The following C8orf34 variants were observed in gnomAD, a reference collection of about 807,000 sequenced individuals.
C8orf34 encodes uncharacterized protein C8orf34.
A neutral mutation model predicts 68.3 loss-of-function variants in C8orf34; 65 were observed. That is an observed-to-expected ratio of 0.95 (90% confidence interval 0.78 to 1.17). The LOEUF (loss-of-function observed/expected upper bound fraction) is 1.17. Ranked by LOEUF, C8orf34 falls within the 50% of genes most tolerant of loss-of-function variation. The probability of loss-of-function intolerance (pLI) is 0.00; values close to 1 mark genes in which losing one functional copy is unlikely to be tolerated. For synonymous variants in C8orf34, 244 were observed against 241.2 expected, an observed-to-expected ratio of 1.01 and a Z score of -0.11; for missense variants, 664 against 655.4, an observed-to-expected ratio of 1.01 and a Z score of -0.14.
intron 8 of C8orf34, among the ~76,000 whole-genome samples, chr8:68,681,098 T>C (rs1315424413): frequency 6.6e-6 from 1 of 152,144 alleles, no homozygotes; most frequent in Non-Finnish European, 1.5e-5. Flanking sequence ...AGTCAGACCT[T>C]ATGGTTGTCT....
Position 68,594,859 on chromosome 8 carries a change from T to C in C8orf34, c.1106-45517T>C, listed in dbSNP as rs1467922485. On this transcript the variant is annotated intron_variant, in intron 7 of 13. Coordinates refer to ENST00000518698, the MANE Select transcript of C8orf34 (RefSeq NM_052958.4). ...AATGTTCTGTTCTTTATTGCTTCAT[T>C]TTTTTCTGCTTTCATACCTTTAATA... Among the ~76,000 whole-genome samples, 8 of 152,096 alleles carry C rather than the reference T, an allele frequency of 5.3e-5. 1 individual carries two copies. The highest frequency in any genetic ancestry group is 5.2e-4 in the Admixed American group (8 of 15,260).
intron 10 of C8orf34, among the ~76,000 whole-genome samples, chr8:68,761,743 G>A (rs908490915): frequency 2.0e-5 from 3 of 152,112 alleles, no homozygotes; most frequent in African/African-American, 7.2e-5. Flanking sequence ...TACTAATGAT[G>A]TCTAATTTTG....
intron 1 of C8orf34, among the ~76,000 whole-genome samples, chr8:68,392,258 T>C (rs1405160288): frequency 1.3e-5 from 2 of 151,986 alleles, no homozygotes; most frequent in African/African-American, 4.8e-5. Context: ...AATTTTATTT[T>C]ATTTCTGTCT....
intron 11 of C8orf34, among the ~76,000 whole-genome samples, chr8:68,778,702 T>G (rs1823589629): frequency 6.6e-6 from 1 of 152,144 alleles, no homozygotes; most frequent in Non-Finnish European, 1.5e-5. Flanking sequence ...ATTACATGCT[T>G]TTTACATCTA....
chr8:68,542,415 A>T (rs1422459104), intron 7 of C8orf34, among the ~76,000 whole-genome samples: 6 of 152,076 alleles, frequency 3.9e-5, no homozygotes, highest in Non-Finnish European at 8.8e-5. Context: ...CCCAGGTTAC[A>T]TCTGATTTGC....
At chr8:68,511,778 A>G (rs1161140886) in intron 5 of C8orf34, among the ~76,000 whole-genome samples, 1 of 152,194 alleles carries the variant, frequency 6.6e-6, no homozygotes, top group African/African-American at 2.4e-5. Context: ...AGAAACAAAC[A>G]TGCTCCAAAT....
At chr8:68,581,690 A>G (rs1414769937) in intron 7 of C8orf34, among the ~76,000 whole-genome samples, 1 of 152,180 alleles carries the variant, frequency 6.6e-6, no homozygotes, top group East Asian at 1.9e-4. Context: ...CTGCCAAGTT[A>G]GAGCTGTCCT....
chr8:68,717,500 A>G lies in C8orf34; in HGVS notation c.1328-3861A>G, dbSNP rs976177150. Among the ~76,000 whole-genome samples the G allele has an allele frequency of 6.6e-5, 10 of 152,144 alleles. No individual in the cohort carries two copies. The South Asian group carries it at 1.7e-3, about 25-fold the overall frequency. Reference sequence around the variant, plus strand: ...AGAGCGAGACTCTGTCTCAAAAAAAAAAAAAAATGACAAACACAAAATATT... The same window carrying G: ...AGAGCGAGACTCTGTCTCAAAAAAAGAAAAAAATGACAAACACAAAATATT... On this transcript the variant is annotated intron_variant, in intron 9 of 13. Coordinates refer to ENST00000518698, the MANE Select transcript of C8orf34 (RefSeq NM_052958.4).
intron 5 of C8orf34, among the ~76,000 whole-genome samples, chr8:68,497,230 A>G (rs1813561747): frequency 6.6e-6 from 1 of 152,226 alleles, no homozygotes; most frequent in South Asian, 2.1e-4. Flanking sequence ...GAGCCATATA[A>G]GGAGGTTGTT....
chr8:68,560,019 T>C (rs1816373241), intron 7 of C8orf34, among the ~76,000 whole-genome samples: 1 of 152,130 alleles, frequency 6.6e-6, no homozygotes, highest in African/African-American at 2.4e-5. Flanking sequence ...GGCGGAATAC[T>C]GAGGGTGATG....
At chr8:68,671,939 A>C (rs1434220015) in intron 8 of C8orf34, among the ~76,000 whole-genome samples, 2 of 152,196 alleles carry the variant, frequency 1.3e-5, no homozygotes, top group Non-Finnish European at 2.9e-5. Context: ...GAGGAAAAAT[A>C]ATGTTCACTC....
intron 8 of C8orf34, among the ~76,000 whole-genome samples, chr8:68,681,180 C>T (rs1310299287): frequency 1.3e-5 from 2 of 152,098 alleles, no homozygotes; most frequent in Non-Finnish European, 2.9e-5. Flanking sequence ...TGTTCAAACA[C>T]ACATATTTTA....
chr8:68,411,428 A>C (rs1809437890), intron 1 of C8orf34, among the ~76,000 whole-genome samples: 2 of 152,184 alleles, frequency 1.3e-5, no homozygotes, highest in South Asian at 2.1e-4. Flanking sequence ...TTATTGAATG[A>C]TTGTGAATCT....
chr8:68,492,562 G>T (rs1374436335), intron 5 of C8orf34, among the ~76,000 whole-genome samples: 1 of 152,054 alleles, frequency 6.6e-6, no homozygotes, highest in Non-Finnish European at 1.5e-5. Context: ...CAGTCTCCAT[G>T]TTGTGGCTGA....
intron 7 of C8orf34, among the ~76,000 whole-genome samples, chr8:68,627,876 A>G (rs1818582369): frequency 6.6e-6 from 1 of 152,190 alleles, no homozygotes; most frequent in Non-Finnish European, 1.5e-5. Flanking sequence ...TTGGCTATTG[A>G]TGGTTACATT....
In C8orf34 at chr8:68,521,807, G is replaced by A. The variant is rs750572328; in HGVS notation, c.774G>A (p.Val258=). ...TCTTTTCTTCTCTTCAGGAAACAGT[G>A]ACATTTAATTCTTCTCTTCTGAGGC... ...AISDELDKET[V]TFNSSLLRPR... The change falls in exon 6 of 14, where the codon GTG becomes GTA. Residue 258 remains valine, a synonymous_variant. Coordinates refer to ENST00000518698, the MANE Select transcript of C8orf34 (RefSeq NM_052958.4). 1.2e-6 allele frequency: 2 copies of A among 1,610,856 alleles called. No individual in the cohort carries two copies. The highest frequency in any genetic ancestry group is 2.2e-5 in the South Asian group (2 of 90,504).
At chr8:68,741,672 G>A (rs1391350269) in intron 10 of C8orf34, among the ~76,000 whole-genome samples, 2 of 151,898 alleles carry the variant, frequency 1.3e-5, no homozygotes, top group Non-Finnish European at 2.9e-5. Context: ...TATCTCCATG[G>A]GTTCAGTTGT....
At chr8:68,496,550 C>T (rs1347413323) in intron 5 of C8orf34, among the ~76,000 whole-genome samples, 1 of 152,180 alleles carries the variant, frequency 6.6e-6, no homozygotes, top group Non-Finnish European at 1.5e-5. Flanking sequence ...TATATGTGTA[C>T]CATTGACATC....
At chr8:68,398,978 T>C (rs1034217772) in intron 1 of C8orf34, among the ~76,000 whole-genome samples, 1 of 152,088 alleles carries the variant, frequency 6.6e-6, no homozygotes, top group Admixed American at 6.6e-5. Flanking sequence ...TCTGCTGTTA[T>C]TGTCTTGAAA....
Sources: allele counts gnomAD v4.1 joint callset (sites outside exome capture counted in the v4.1 genomes callset), GRCh38; gene constraint gnomAD v4.1.1; transcripts MANE v1.5; gene names NCBI Gene and HGNC (gene_info 2026-07-23, HGNC 2026-07-21).